Variants in GRIP1 observed in about 807,000 individuals in gnomAD.
GRIP1 encodes the protein glutamate receptor-interacting protein 1.
A neutral mutation model predicts 129.9 loss-of-function variants in GRIP1; 45 were observed. That is an observed-to-expected ratio of 0.35 (90% CI 0.27 to 0.44). The LOEUF is 0.44. GRIP1 is among the 20% of genes least tolerant of loss of function. The pLI, the probability that GRIP1 is intolerant of heterozygous loss-of-function variation, is 1.00. For synonymous variants in GRIP1, 530 were observed against 520.8 expected (o/e 1.02, Z -0.24); for missense variants, 1,196 against 1,396.8 (o/e 0.86, Z 2.29).
chr12:66,809,101 A>G (rs902812760), upstream of GRIP1, among the ~76,000 whole-genome samples: 2 of 152,240 alleles, frequency 1.3e-5, no homozygotes, highest in Non-Finnish European at 2.9e-5. Context: ...AAGGGCAAAT[A>G]TATGTTAACA....
chr12:66,820,193 G>A (rs1480166858), intron 1 of GRIP1, among the ~76,000 whole-genome samples: 4 of 152,216 alleles, frequency 2.6e-5, no homozygotes, highest in African/African-American at 4.8e-5. Context: ...GGCATATCAC[G>A]AGGTCAGGTG....
intron 1 of GRIP1, among the ~76,000 whole-genome samples, chr12:66,908,369 A>T (rs1298603586): frequency 1.3e-5 from 2 of 152,192 alleles, no homozygotes; most frequent in Non-Finnish European, 2.9e-5. Context: ...CTGTCACAGA[A>T]ATCAGGGAAG....
chr12:66,732,843 CT>C (rs2036482261), intron 1 of GRIP1, among the ~76,000 whole-genome samples: 1 of 152,092 alleles, frequency 6.6e-6, no homozygotes, highest in Admixed American at 6.5e-5. Flanking sequence ...CTAATCCCCA[CT>C]TTGTTCAATG....
chr12:66,394,727 G>A (rs1221860165), intron 16 of GRIP1, among the ~76,000 whole-genome samples: 2 of 152,154 alleles, frequency 1.3e-5, no homozygotes, highest in Non-Finnish European at 2.9e-5. Flanking sequence ...AATATGAGAG[G>A]AGAGAGTCAC....
At chr12:66,939,283 G>A (rs1163037329) in intron 1 of GRIP1, among the ~76,000 whole-genome samples, 2 of 152,070 alleles carry the variant, frequency 1.3e-5, no homozygotes, top group South Asian at 4.2e-4. Context: ...GGAGTTCAGG[G>A]CTGCAGTGAG....
intron 1 of GRIP1, among the ~76,000 whole-genome samples, chr12:66,993,062 T>C (rs1333157063): frequency 6.6e-6 from 1 of 150,982 alleles, no homozygotes; most frequent in African/African-American, 2.4e-5. Flanking sequence ...TGCAGTGAGC[T>C]GAGAGGGTGT....
rs59000682 is a variant in GRIP1 at position 66,491,134 on chromosome 12, G to C, written c.724+24485C>G. Among the ~76,000 whole-genome samples the C allele has an allele frequency of 7.5e-3, 1,135 of 152,082 alleles. 17 individuals carry two copies. The highest frequency in any genetic ancestry group is 0.026 in the African/African-American group (1,093 of 41,532). On this transcript the variant is annotated intron_variant, in intron 7 of 24. Transcript: ENST00000359742. Reference sequence around the variant, plus strand: ...TGTACATGTATACCCAAAGGAATATGAATTATTCTATTTTAAAATACATGT... The same window carrying C: ...TGTACATGTATACCCAAAGGAATATCAATTATTCTATTTTAAAATACATGT...
chr12:66,702,110 G>A (rs1384011254), intron 1 of GRIP1, among the ~76,000 whole-genome samples: 2 of 152,056 alleles, frequency 1.3e-5, no homozygotes, highest in Non-Finnish European at 2.9e-5. Context: ...TGTATTACCC[G>A]AAGAACAGTA....
chr12:66,920,198 AAAT>A (rs2041190271), intron 1 of GRIP1, among the ~76,000 whole-genome samples: 1 of 152,190 alleles, frequency 6.6e-6, no homozygotes, highest in East Asian at 1.9e-4. Flanking sequence ...AACCTGTATT[AAAT>A]AATAAAACCT....
chr12:66,485,645 A>T (rs944257142), intron 7 of GRIP1, among the ~76,000 whole-genome samples: 1 of 151,980 alleles, frequency 6.6e-6, no homozygotes, highest in Non-Finnish European at 1.5e-5. Flanking sequence ...CTATAAAGTC[A>T]TCGTGATGCT....
intron 24 of GRIP1, among the ~76,000 whole-genome samples, chr12:66,351,464 C>T (rs1458243097): frequency 6.6e-6 from 1 of 151,878 alleles, no homozygotes; most frequent in Admixed American, 6.6e-5. Context: ...TATCAAATAC[C>T]ACATAATGGG....
At chr12:66,541,675 A>G in intron 3 of GRIP1, 140 bp downstream of exon 3, 1 of 884,052 alleles carries the variant, frequency 1.1e-6, no homozygotes, top group Non-Finnish European at 1.9e-6. Context: ...AACGTGCCCC[A>G]CTGTGCTTCT....
chr12:66,392,568 C>G (rs937950591), intron 18 of GRIP1, 66 bp from the exon 19 acceptor site: 2 of 1,567,336 alleles, frequency 1.3e-6, no homozygotes, highest in Non-Finnish European at 1.8e-6. Context: ...CAAGATACTC[C>G]GTGGCTAGAG....
intron 7 of GRIP1, among the ~76,000 whole-genome samples, chr12:66,501,751 CAT>C (rs1466287428): frequency 2.6e-5 from 4 of 152,120 alleles, no homozygotes; most frequent in Admixed American, 2.0e-4. Context: ...CCCTAAAAGA[CAT>C]GTTTCATTTT....
chr12:66,491,676 T>C (rs1415564768), intron 7 of GRIP1, among the ~76,000 whole-genome samples: 1 of 152,198 alleles, frequency 6.6e-6, no homozygotes, highest in Admixed American at 6.5e-5. Context: ...GGCATAATTC[T>C]TTGAGGACCA....
At chr12:66,652,750 G>A (rs2032892570) in intron 1 of GRIP1, among the ~76,000 whole-genome samples, 1 of 152,146 alleles carries the variant, frequency 6.6e-6, no homozygotes, top group South Asian at 2.1e-4. Flanking sequence ...CCTGCTCTGT[G>A]ACCAAAGCTG....
intron 7 of GRIP1, among the ~76,000 whole-genome samples, chr12:66,466,314 T>C (rs12229196): frequency 0.49 from 74,910 of 151,954 alleles, 18,747 homozygotes; most frequent in Middle Eastern, 0.64. Context: ...TGCTTGAAGG[T>C]AGAGACTATG....
chr12:66,359,628 G>C (rs1434826428), intron 23 of GRIP1, among the ~76,000 whole-genome samples: 1 of 152,208 alleles, frequency 6.6e-6, no homozygotes, highest in Non-Finnish European at 1.5e-5. Context: ...CTAATAAATA[G>C]TTTAAATCTA....
intron 2 of GRIP1, among the ~76,000 whole-genome samples, chr12:66,550,534 C>T (rs1036721899): frequency 6.6e-6 from 1 of 152,186 alleles, no homozygotes; most frequent in Admixed American, 6.5e-5. Context: ...ACGCTTGTCC[C>T]AGAAAAATTG....
Sources: gnomAD v4.1 joint callset for allele counts (sites outside exome capture counted in the v4.1 genomes callset) on GRCh38, gnomAD v4.1.1 for gene constraint, MANE v1.5 for transcripts, NCBI Gene and HGNC (gene_info 2026-07-23, HGNC 2026-07-21) for gene names.